Variants in DLG2 observed in about 807,000 individuals in gnomAD.
DLG2 encodes the protein disks large homolog 2.
DLG2 carries 45 observed loss-of-function variants against 132.5 expected under a neutral mutation model. The ratio of observed to expected loss-of-function variants is 0.34; its 90% CI spans 0.27 to 0.44. The LOEUF is 0.44. Ranked by LOEUF, DLG2 falls within the 20% of genes least tolerant of loss-of-function variation. DLG2 has a pLI of 1.00. For synonymous variants in DLG2, 424 were observed against 419.6 expected (o/e 1.01, Z -0.13); for missense variants, 1,045 against 1,196.9 (o/e 0.87, Z 1.87).
At chr11:85,361,047 A>G (rs193272042) in intron 3 of DLG2, among the ~76,000 whole-genome samples, 9 of 152,014 alleles carry the variant, frequency 5.9e-5, no homozygotes, top group Non-Finnish European at 1.0e-4. Flanking sequence ...CTTCTTTTTT[A>G]TGGATCAGGA....
chr11:85,016,468 T>C (rs939353240), intron 6 of DLG2, among the ~76,000 whole-genome samples: 6 of 152,124 alleles, frequency 3.9e-5, no homozygotes, highest in African/African-American at 1.4e-4. Flanking sequence ...GACTGTTCAT[T>C]TGAACTATTT....
At chr11:85,259,728 T>C (rs1023278441) in intron 4 of DLG2, among the ~76,000 whole-genome samples, 5 of 151,994 alleles carry the variant, frequency 3.3e-5, no homozygotes, top group African/African-American at 7.2e-5. Context: ...TTACTTCTCA[T>C]TGACAATCCA....
At chr11:84,898,662 A>G (rs143041459) in intron 6 of DLG2, among the ~76,000 whole-genome samples, 86 of 151,942 alleles carry the variant, frequency 5.7e-4, no homozygotes, top group African/African-American at 2.1e-3. Flanking sequence ...TCCATTCCCA[A>G]GTATACCAAG....
chr11:84,808,286 T>G (rs1190532869), intron 6 of DLG2, among the ~76,000 whole-genome samples: 1 of 152,088 alleles, frequency 6.6e-6, no homozygotes, highest in Non-Finnish European at 1.5e-5. Flanking sequence ...TTTCAGTGAC[T>G]GAAAATCAGA....
At chr11:84,658,215 G>T (rs2099690475) in intron 6 of DLG2, among the ~76,000 whole-genome samples, 1 of 151,990 alleles carries the variant, frequency 6.6e-6, no homozygotes, top group South Asian at 2.1e-4. Context: ...TTATGTTGAG[G>T]GTAATTTGAG....
intron 6 of DLG2, among the ~76,000 whole-genome samples, chr11:85,028,924 C>T (rs575363912): frequency 1.5e-3 from 231 of 152,282 alleles, no homozygotes; most frequent in African/African-American, 5.4e-3. Flanking sequence ...GTGCCTACCC[C>T]GCTGCAGTTG....
chr11:85,069,773 T>C (rs2065516894), intron 6 of DLG2, among the ~76,000 whole-genome samples: 2 of 152,108 alleles, frequency 1.3e-5, no homozygotes, highest in African/African-American at 4.8e-5. Context: ...GAACTAGAAA[T>C]ACCATTTGAC....
intron 3 of DLG2, among the ~76,000 whole-genome samples, chr11:85,361,508 C>T (rs2084155233): frequency 6.6e-6 from 1 of 152,152 alleles, no homozygotes; most frequent in African/African-American, 2.4e-5. Context: ...CTCTGCATGT[C>T]CATGTGTACG....
chr11:85,236,278 T>C (rs2075582572), intron 4 of DLG2, among the ~76,000 whole-genome samples: 1 of 152,042 alleles, frequency 6.6e-6, no homozygotes, highest in African/African-American at 2.4e-5. Context: ...AGGACTTCTA[T>C]AACAAAACAT....
intron 3 of DLG2, among the ~76,000 whole-genome samples, chr11:85,425,924 G>A (rs989713255): frequency 1.3e-5 from 2 of 152,180 alleles, no homozygotes; most frequent in Admixed American, 6.5e-5. Flanking sequence ...CTGGAAAATC[G>A]GGTCACTCCC....
At chr11:83,906,075 C>A (rs1180173699) in intron 15 of DLG2, among the ~76,000 whole-genome samples, 7 of 99,902 alleles carry the variant, frequency 7.0e-5, no homozygotes, top group African/African-American at 2.3e-4. Flanking sequence ...CTCTCTCTCT[C>A]TCTCTCTATA....
At position 85,051,510 on chromosome 11, in the gene DLG2, C is replaced by A. The variant is rs2062887019; in HGVS notation, c.357+60151G>T. Among the ~76,000 whole-genome samples, 2 of 152,044 alleles carry A rather than the reference C, an allele frequency of 1.3e-5. 1 individual carries two copies. The highest frequency in any genetic ancestry group is 4.8e-5 in the African/African-American group (2 of 41,392). On this transcript the variant is annotated intron_variant, in intron 6 of 27. Transcript: ENST00000376104. ...TACGTGCCAAGCACTATGCTAAGGG[C>A]TGGGAATATATTAATAAACAAAACA...
chr11:85,290,952 ATT>A (rs2078855856), intron 3 of DLG2, among the ~76,000 whole-genome samples: 1 of 152,090 alleles, frequency 6.6e-6, no homozygotes, highest in Admixed American at 6.6e-5. Flanking sequence ...TACTCAAAAT[ATT>A]TCATCTTCTT....
chr11:85,490,006 A>G (rs2093520312), intron 3 of DLG2, among the ~76,000 whole-genome samples: 1 of 152,102 alleles, frequency 6.6e-6, no homozygotes, highest in Non-Finnish European at 1.5e-5. Context: ...TGGACAACAA[A>G]GCAAGATCCT....
intron 6 of DLG2, among the ~76,000 whole-genome samples, chr11:84,934,525 G>GTTTTTTTTTTTT (rs757894179): frequency 5.2e-5 from 2 of 38,632 alleles, no homozygotes; most frequent in Non-Finnish European, 8.7e-5. Context: ...GTTTTGTTTT[G>GTTTTTTTTTTTT]TTTTTTTTTT....
intron 16 of DLG2, among the ~76,000 whole-genome samples, chr11:83,862,617 CATAA>C (rs1173833866): frequency 1.3e-5 from 2 of 151,418 alleles, no homozygotes; most frequent in African/African-American, 2.4e-5. Flanking sequence ...TTGTTTGTAA[CATAA>C]ATAAAGGATA....
intron 6 of DLG2, among the ~76,000 whole-genome samples, chr11:84,838,648 A>C (rs1360728379): frequency 1.3e-5 from 2 of 151,844 alleles, no homozygotes; most frequent in Non-Finnish European, 2.9e-5. Flanking sequence ...TGTTCACTGC[A>C]GAATTGTTTA....
intron 6 of DLG2, among the ~76,000 whole-genome samples, chr11:84,916,379 A>AAAAAG (rs2092470191): frequency 6.8e-6 from 1 of 146,664 alleles, no homozygotes; most frequent in Non-Finnish European, 1.5e-5. Context: ...AAAAAAAAAA[A>AAAAAG]GAAGCAGTAA....
At chr11:85,192,736 G>T (rs553575516) in intron 4 of DLG2, among the ~76,000 whole-genome samples, 2 of 151,880 alleles carry the variant, frequency 1.3e-5, no homozygotes, top group African/African-American at 2.4e-5. Context: ...TCATTGTCCC[G>T]TATCATTCCT....
Sources: gnomAD v4.1 joint callset for allele counts (sites outside exome capture counted in the v4.1 genomes callset) on GRCh38, gnomAD v4.1.1 for gene constraint, MANE v1.5 for transcripts, NCBI Gene and HGNC (gene_info 2026-07-23, HGNC 2026-07-21) for gene names.